Variants in CAST observed in about 807,000 individuals in gnomAD.
The protein encoded by CAST is MIR583 host.
In CAST, 76 loss-of-function variants were observed where a neutral mutation model predicts 119.6. The observed-to-expected ratio is 0.64, with a 90% CI of 0.53 to 0.77. The LOEUF (loss-of-function observed/expected upper bound fraction) is 0.77, where lower values mean the gene tolerates loss of function less well. CAST is among the 30% of genes least tolerant of loss of function. The pLI, the probability that CAST is intolerant of heterozygous loss-of-function variation, is 0.00. For missense variants in CAST, 953 were observed against 946.5 expected (o/e 1.01, Z -0.09); for synonymous variants, 319 against 331.6 (o/e 0.96, Z 0.41).
chr5:96,220,630 C>T, the CAST span, among the ~76,000 whole-genome samples: 1 of 152,176 alleles, frequency 6.6e-6, no homozygotes, highest in African/African-American at 2.4e-5. Flanking sequence ...TTCTGTAAGA[C>T]ATTTTTTGAT....
intron 15 of CAST, 108 bp downstream of exon 15, chr5:96,741,688 C>T (rs961642687): frequency 1.4e-6 from 1 of 712,262 alleles, no homozygotes; most frequent in Non-Finnish European, 2.4e-6. Flanking sequence ...TGATTTTTTC[C>T]CTCTCAGGTC....
chr5:95,998,982 G>A, the CAST span, among the ~76,000 whole-genome samples: 1 of 151,940 alleles, frequency 6.6e-6, no homozygotes, highest in Non-Finnish European at 1.5e-5. Flanking sequence ...GTTTTAATTT[G>A]CATTTCTCTG....
In CAST at chr5:96,577,320, T is replaced by G. The variant is rs191324341; in HGVS notation, c.60+47440T>G. On this transcript the variant is annotated intron_variant, in intron 1 of 11. Coordinates refer to the CAST transcript ENST00000505143. ...TGGAGGTTTATCAATTTTATTAATT[T>G]TTTTAAGAATTAGTTATTTTCATTG... Among the ~76,000 whole-genome samples, 10 of 152,276 alleles carry G rather than the reference T, an allele frequency of 6.6e-5. No homozygotes were observed. In the South Asian group the frequency reaches 2.1e-3, roughly 32 times the overall value.
the CAST span, among the ~76,000 whole-genome samples, chr5:95,973,693 C>T: frequency 2.6e-5 from 4 of 152,194 alleles, no homozygotes; most frequent in Non-Finnish European, 5.9e-5. Context: ...CTACGTGTCT[C>T]TGCTTTCATC....
At chr5:96,352,364 C>G in the CAST span, among the ~76,000 whole-genome samples, 1 of 152,084 alleles carries the variant, frequency 6.6e-6, no homozygotes, top group East Asian at 1.9e-4. Flanking sequence ...AATTTGCTTA[C>G]GTTTCATTGC....
chr5:96,443,493 T>C, the CAST span, among the ~76,000 whole-genome samples: 3 of 152,222 alleles, frequency 2.0e-5, no homozygotes, highest in Admixed American at 6.5e-5. Context: ...TGAAGCTACT[T>C]AAACTAATCA....
At chr5:96,284,089 T>G in the CAST span, among the ~76,000 whole-genome samples, 2 of 152,134 alleles carry the variant, frequency 1.3e-5, no homozygotes, top group African/African-American at 4.8e-5. Context: ...CTTCTGCAAC[T>G]GTTCACTACT....
chr5:96,243,419 G>T, the CAST span, among the ~76,000 whole-genome samples: 1 of 151,558 alleles, frequency 6.6e-6, no homozygotes, highest in Non-Finnish European at 1.5e-5. Flanking sequence ...TAGACTTTGT[G>T]GAGTCAGAAA....
chr5:96,525,734 T>C (rs147704000), upstream of CAST, among the ~76,000 whole-genome samples: 16 of 152,286 alleles, frequency 1.1e-4, no homozygotes, highest in East Asian at 2.5e-3. Flanking sequence ...ATAAGCATCA[T>C]AGGAAACCAA....
At position 96,594,891 on chromosome 5, in the gene CAST, G is replaced by A. The variant is rs141745751; in HGVS notation, c.60+65011G>A. ...GCTCTCAAAAAATGGATTTCAAATG[G>A]CAATTGCAGTTAAGTTTAATGTTTC... On this transcript the variant is annotated intron_variant, in intron 1 of 11. Coordinates refer to the CAST transcript ENST00000505143. 3.5e-3 allele frequency among the ~76,000 whole-genome samples: 536 copies of A among 152,176 alleles called. 4 individuals carry two copies. The highest frequency in any genetic ancestry group is 6.8e-3 in the Middle Eastern group (2 of 294).
chr5:96,279,969 G>A, the CAST span, among the ~76,000 whole-genome samples: 40 of 152,274 alleles, frequency 2.6e-4, no homozygotes, highest in South Asian at 1.5e-3. Flanking sequence ...ATCCTTTAGC[G>A]CCAGACAACA....
Position 96,698,915 on chromosome 5 carries a change from G to A in CAST, c.210+3008G>A, listed in dbSNP as rs150705974. 6.2e-3 allele frequency among the ~76,000 whole-genome samples: 950 copies of A among 152,278 alleles called. 10 individuals carry two copies. Among genetic ancestry groups the A allele is most frequent in the African/African-American group, 0.022 (900 of 41,554 alleles). ...TACTTAATTTGAAGCATATGTGTAA[G>A]CTATGTATTAGAGAATGGTTTCTAT... On this transcript the variant is annotated intron_variant, in intron 3 of 31. Coordinates refer to ENST00000675179, the MANE Select transcript of CAST (RefSeq NM_001750.7).
the CAST span, among the ~76,000 whole-genome samples, chr5:96,184,134 A>G: frequency 1.3e-5 from 2 of 152,196 alleles, no homozygotes; most frequent in African/African-American, 2.4e-5. Flanking sequence ...AGCCCAGACA[A>G]TGATGCTCTC....
At chr5:96,011,442 T>C in the CAST span, among the ~76,000 whole-genome samples, 1 of 152,162 alleles carries the variant, frequency 6.6e-6, no homozygotes, top group African/African-American at 2.4e-5. Context: ...AAAGTGAGGA[T>C]GAAGCTGACA....
intron 9 of CAST, among the ~76,000 whole-genome samples, chr5:96,731,265 A>G (rs1760420871): frequency 1.3e-5 from 2 of 152,220 alleles, no homozygotes; most frequent in Admixed American, 6.5e-5. Flanking sequence ...TGACATCAAC[A>G]TGAATGGATA....
intron 22 of CAST, chr5:96,755,126 AG>A (rs1766004528): frequency 1.3e-5 from 2 of 157,396 alleles, no homozygotes; most frequent in African/African-American, 4.8e-5. Flanking sequence ...GCATCTCTTG[AG>A]CCCAGGAGTT....
the CAST span, among the ~76,000 whole-genome samples, chr5:96,034,898 A>T: frequency 6.6e-6 from 1 of 151,378 alleles, no homozygotes; most frequent in African/African-American, 2.4e-5. Context: ...TAATACATAC[A>T]TTTAATGTCT....
At chr5:96,762,408 T>C (rs757834952) in intron 25 of CAST, 36 bp downstream of exon 25, 19 of 1,452,012 alleles carry the variant, frequency 1.3e-5, no homozygotes, top group Non-Finnish European at 1.8e-5. Flanking sequence ...ATAAATGTTT[T>C]TGCGCAGCCA....
the CAST span, among the ~76,000 whole-genome samples, chr5:96,400,892 C>T: frequency 1.3e-5 from 2 of 151,456 alleles, no homozygotes; most frequent in South Asian, 4.2e-4. Context: ...TCGAGACCAT[C>T]TTGGCTAACA....
Sources: allele counts gnomAD v4.1 joint callset (sites outside exome capture counted in the v4.1 genomes callset), GRCh38; gene constraint gnomAD v4.1.1; transcripts MANE v1.5; gene names NCBI Gene and HGNC (gene_info 2026-07-23, HGNC 2026-07-21).